The following STX2 variants were observed in gnomAD, a reference collection of about 807,000 sequenced individuals.
The protein encoded by STX2 is syntaxin 2.
In STX2, 27 loss-of-function variants were observed where a neutral mutation model predicts 40.6. The observed-to-expected ratio is 0.66, with a 90% confidence interval of 0.49 to 0.92. The LOEUF is 0.92. STX2 is among the 40% of genes least tolerant of loss of function. The probability of loss-of-function intolerance (pLI) is 0.00; values close to 1 mark genes in which losing one functional copy is unlikely to be tolerated. For synonymous variants in STX2, 123 were observed against 119.1 expected (o/e 1.03, Z -0.22); for missense variants, 328 against 366.1 (o/e 0.90, Z 0.85).
chr12:130,814,099 A>C (rs1226654962), intron 3 of STX2, among the ~76,000 whole-genome samples: 1 of 152,174 alleles, frequency 6.6e-6, no homozygotes, highest in Non-Finnish European at 1.5e-5. Flanking sequence ...TACAGTCATC[A>C]GACGCAGCCT....
At chr12:130,831,844 T>C (rs1952573112) in intron 1 of STX2, among the ~76,000 whole-genome samples, 1 of 151,526 alleles carries the variant, frequency 6.6e-6, no homozygotes. Context: ...AGACTTTATG[T>C]AAATAGTATT....
intron 3 of STX2, among the ~76,000 whole-genome samples, chr12:130,815,935 A>T (rs1333926262): frequency 6.6e-6 from 1 of 152,100 alleles, no homozygotes; most frequent in African/African-American, 2.4e-5. Flanking sequence ...TTCATTTTAG[A>T]ATAGTAAAGG....
chr12:130,837,837 A>G (rs1468612572), intron 1 of STX2, among the ~76,000 whole-genome samples: 2 of 152,256 alleles, frequency 1.3e-5, no homozygotes, highest in Non-Finnish European at 2.9e-5. Context: ...TGCGGAACAC[A>G]GGGAATATTT....
chr12:130,811,174 A>G (rs1052793226), intron 4 of STX2, among the ~76,000 whole-genome samples: 4 of 152,140 alleles, frequency 2.6e-5, no homozygotes, highest in Non-Finnish European at 4.4e-5. Context: ...CCTGGCCAAC[A>G]TGGCGAAACC....
Position 130,827,225 on chromosome 12 carries a change from T to C in STX2, c.73A>G (p.Lys25Glu), listed in dbSNP as rs1289777446. 6.8e-6 allele frequency: 11 copies of C among 1,613,914 alleles called. No homozygotes were observed. The highest frequency in any genetic ancestry group is 8.5e-6 in the Non-Finnish European group (10 of 1,179,940). The change falls in exon 2 of 11, where the codon AAA (lysine) becomes GAA (glutamate). Residue 25 changes from lysine to glutamate, a missense_variant. By Grantham distance (56) the Lys-to-Glu change is moderately conservative. Coordinates refer to ENST00000392373, the MANE Select transcript of STX2 (RefSeq NM_194356.4). The stretch of plus-strand genomic sequence containing the variant: ...AAGAAATCATCCATGAAATGATCTT[T>C]CTCAACCACAACAACTGTGTCTCCA... ...DDGDTVVVVE[K>E]DHFMDDFFHQ...
chr12:130,799,818 A>C (rs1951158638), intron 8 of STX2, among the ~76,000 whole-genome samples: 1 of 149,032 alleles, frequency 6.7e-6, no homozygotes. Context: ...TGTCTCAAAA[A>C]AAAAAAAAAA....
intron 10 of STX2, among the ~76,000 whole-genome samples, chr12:130,793,115 T>A (rs1950925658): frequency 6.6e-6 from 1 of 152,110 alleles, no homozygotes; most frequent in South Asian, 2.1e-4. Flanking sequence ...CCTGGACAGT[T>A]CCAAGACTGC....
intron 9 of STX2, among the ~76,000 whole-genome samples, chr12:130,796,760 G>A (rs1345209768): frequency 6.6e-6 from 1 of 152,108 alleles, no homozygotes; most frequent in African/African-American, 2.4e-5. Context: ...GTGACGGAGA[G>A]CCCCACTGCC....
chr12:130,792,128 T>C, intron 10 of STX2, 151 bp from the exon 11 acceptor site: 2 of 543,562 alleles, frequency 3.7e-6, no homozygotes, highest in Non-Finnish European at 6.4e-6. Context: ...GAATGTGATC[T>C]TGGCTCACAG....
At chr12:130,820,275 A>G (rs759897936) in intron 3 of STX2, among the ~76,000 whole-genome samples, 9 of 152,260 alleles carry the variant, frequency 5.9e-5, no homozygotes, top group Non-Finnish European at 1.2e-4. Flanking sequence ...GCTACAGAGA[A>G]TATCAGAATT....
chr12:130,799,655 C>G (rs1951149324), intron 8 of STX2, among the ~76,000 whole-genome samples: 1 of 151,992 alleles, frequency 6.6e-6, no homozygotes, highest in East Asian at 1.9e-4. Flanking sequence ...AATGCTTATA[C>G]ATACAAACAT....
At chr12:130,837,017 G>A (rs186175381) in intron 1 of STX2, among the ~76,000 whole-genome samples, 1 of 151,808 alleles carries the variant, frequency 6.6e-6, no homozygotes, top group Admixed American at 6.6e-5. Flanking sequence ...TTCAAGCCAA[G>A]AAAACGTACT....
chr12:130,816,371 G>T (rs1215579696), intron 3 of STX2, among the ~76,000 whole-genome samples: 3 of 151,082 alleles, frequency 2.0e-5, no homozygotes, highest in East Asian at 1.9e-4. Flanking sequence ...CAGCAGGGGT[G>T]GGGGGCACTC....
At chr12:130,809,011 C>T (rs564939383) in intron 4 of STX2, among the ~76,000 whole-genome samples, 1 of 152,296 alleles carries the variant, frequency 6.6e-6, no homozygotes, top group South Asian at 2.1e-4. Context: ...GAATTACAGG[C>T]GTGTGCCACC....
At chr12:130,822,221 A>G (rs1273105460) in intron 2 of STX2, among the ~76,000 whole-genome samples, 1 of 152,190 alleles carries the variant, frequency 6.6e-6, no homozygotes, top group Non-Finnish European at 1.5e-5. Flanking sequence ...GTTCAGGACC[A>G]GCCTGGCCAA....
Position 130,808,667 on chromosome 12 carries a change from G to T in STX2, c.318C>A (p.Asn106Lys). 1.2e-6 allele frequency: 2 copies of T among 1,613,698 alleles called. No individual in the cohort carries two copies. The highest frequency in any genetic ancestry group is 1.3e-5 in the African/African-American group (1 of 75,016). ...GTATCCGAAGATCCACTGAAGTCCG[G>T]TTCCCACTCTCATCCTGATCAAAAC... ...EQSFDQDESG[N>K]RTSVDLRIRR... The change falls in exon 5 of 11, where the codon AAC (asparagine) becomes AAA (lysine). Residue 106 changes from asparagine (N) to lysine (K), a missense_variant. Asn to Lys is a moderately conservative substitution (Grantham distance 94). Transcript: ENST00000392373.
rs1276183276 is a variant in STX2, at chr12:130,837,260, G to A, written c.30+1810C>T. 3.9e-5 allele frequency among the ~76,000 whole-genome samples: 6 copies of A among 152,070 alleles called. No individual in the cohort carries two copies. In the East Asian group the frequency reaches 5.8e-4, roughly 15 times the overall value. ...CCTGAGTACCAAGGACTACAGGTGC[G>A]AGTCACACCTGGATAGTTTTTTTGT... On this transcript the variant is annotated intron_variant, in intron 1 of 10. Transcript: ENST00000392373.
At chr12:130,814,430 T>G (rs566703304) in intron 3 of STX2, among the ~76,000 whole-genome samples, 191 of 151,936 alleles carry the variant, frequency 1.3e-3, no homozygotes, top group Non-Finnish European at 2.4e-3. Context: ...TGGCTTCCAT[T>G]CCAGGCAGAA....
At chr12:130,818,056 T>C (rs1425669919) in intron 3 of STX2, among the ~76,000 whole-genome samples, 1 of 150,016 alleles carries the variant, frequency 6.7e-6, no homozygotes, top group Non-Finnish European at 1.5e-5. Context: ...CGCAGCTCCT[T>C]ACGGGGAGTA....
Sources: gnomAD v4.1 joint callset for allele counts (sites outside exome capture counted in the v4.1 genomes callset) on GRCh38, gnomAD v4.1.1 for gene constraint, MANE v1.5 for transcripts, NCBI Gene and HGNC (gene_info 2026-07-23, HGNC 2026-07-21) for gene names.